The following PLEKHG5 variants were observed in gnomAD, a reference collection of about 807,000 sequenced individuals.
The protein encoded by PLEKHG5 is pleckstrin homology and RhoGEF domain containing G5.
PLEKHG5 carries 52 observed loss-of-function variants against 103.8 expected under a neutral mutation model. The ratio of observed to expected loss-of-function variants is 0.50; its 90% CI spans 0.40 to 0.63. PLEKHG5 has a LOEUF of 0.63. Among genes scored for constraint, PLEKHG5 ranks in the 30% least tolerant of loss-of-function variants. PLEKHG5 has a pLI of 0.00. For synonymous variants in PLEKHG5, 592 were observed against 575.5 expected, an observed-to-expected ratio of 1.03 and a Z score of -0.41; for missense variants, 1,205 against 1,347.6, an observed-to-expected ratio of 0.89 and a Z score of 1.66.
rs145838428 is a variant in PLEKHG5, at chr1:6,482,583, C to G, written c.-87-4925G>C. ...AAGGGCTGTTATTGTCCCTGTTTCA[C>G]ACAAGAGGAAAGTAAAACTCAGAGA... is the stretch of plus-strand genomic sequence containing the variant. On this transcript the variant is annotated intron_variant, in intron 1 of 20. Transcript: ENST00000377728. Among the ~76,000 whole-genome samples the G allele has an allele frequency of 6.3e-3, 961 of 152,306 alleles. 7 individuals are homozygous for G. The highest frequency in any genetic ancestry group is 0.01 in the Non-Finnish European group (682 of 68,024).
chr1:6,486,157 C>T lies in PLEKHG5; in HGVS notation c.-88+5480G>A, dbSNP rs945694788. On this transcript the variant is annotated intron_variant, in intron 1 of 20. Coordinates refer to ENST00000377728, the MANE Select transcript of PLEKHG5 (RefSeq NM_020631.6). This position sits in a 1 kb window ranked among gnomAD's most constrained non-coding sequence, Gnocchi z 5.3. ...TCCTCCTGGAGACCCCCACCCCCGC[C>T]TCGGAGCCTCAGCCCAGGGGACCCC... 6.6e-6 allele frequency among the ~76,000 whole-genome samples: 1 copy of T among 152,116 alleles called. No homozygotes were observed. Among genetic ancestry groups the T allele is most frequent in the East Asian group, 1.9e-4 (1 of 5,184 alleles).
intron 1 of PLEKHG5, among the ~76,000 whole-genome samples, chr1:6,479,422 G>A (rs961160357): frequency 6.6e-5 from 10 of 151,616 alleles, no homozygotes; most frequent in African/African-American, 1.9e-4. Flanking sequence ...GAGTAGCTGG[G>A]ACTACAGGCG....
intron 1 of PLEKHG5, among the ~76,000 whole-genome samples, chr1:6,504,567 T>C (rs1050458136): frequency 1.2e-4 from 15 of 124,240 alleles, no homozygotes; most frequent in Non-Finnish European, 4.8e-5. Flanking sequence ...TCTCTCTTTT[T>C]TTTTCTTTTT....
chr1:6,478,513 G>T (rs1032382328), intron 1 of PLEKHG5, among the ~76,000 whole-genome samples: 1 of 152,078 alleles, frequency 6.6e-6, no homozygotes, highest in Non-Finnish European at 1.5e-5. Context: ...CTCCAGCTAC[G>T]GCTGACTTTC....
intron 1 of PLEKHG5, among the ~76,000 whole-genome samples, chr1:6,482,991 G>A (rs1297273109): frequency 1.2e-4 from 18 of 152,216 alleles, no homozygotes; most frequent in African/African-American, 2.4e-5. Flanking sequence ...TTACAGGCGT[G>A]AGCCACGGCA....
intron 1 of PLEKHG5, among the ~76,000 whole-genome samples, chr1:6,508,394 CCT>C (rs1638384789): frequency 1.3e-5 from 2 of 152,208 alleles, no homozygotes; most frequent in African/African-American, 4.8e-5. Flanking sequence ...CGGCTGTCCT[CCT>C]CTGTCTCCCA....
Position 6,470,500 on chromosome 1 carries a change from G to A in PLEKHG5, c.1680+6C>T, listed in dbSNP as rs756543027. ...GCCGGCAACCCCCGCAGACACACACGCCCACCTTGTCCACTTCGTCGCTGC... is the reference window on the plus strand; with the variant it reads ...GCCGGCAACCCCCGCAGACACACACACCCACCTTGTCCACTTCGTCGCTGC... On this transcript the variant is annotated splice_donor_region_variant and intron_variant, in intron 15 of 20. Transcript: ENST00000377728. 1 of 1,610,414 alleles carries A rather than the reference G, an allele frequency of 6.2e-7. No individual in the cohort carries two copies. The highest frequency in any genetic ancestry group is 8.5e-7 in the Non-Finnish European group (1 of 1,179,956).
intron 1 of PLEKHG5, among the ~76,000 whole-genome samples, chr1:6,488,263 T>A (rs1001571927): frequency 6.6e-6 from 1 of 152,224 alleles, no homozygotes; most frequent in Non-Finnish European, 1.5e-5. Context: ...ACAATCCCCA[T>A]TTAACAGATA....
chr1:6,497,134 G>A, upstream of PLEKHG5: 1 of 1,141,050 alleles, frequency 8.8e-7, no homozygotes, highest in Non-Finnish European at 1.3e-6. This position sits in a 1 kb window ranked among gnomAD's most constrained non-coding sequence, Gnocchi z 6.1. Context: ...GGCGGGGGGA[G>A]GGAGGAGAAG....
At position 6,471,096 on chromosome 1, in the gene PLEKHG5, C is replaced by G. The variant is rs1304686030; in HGVS notation, c.1286G>C (p.Gly429Ala). The change falls in exon 13 of 21, where the codon GGC becomes GCC. Residue 429 changes from glycine to alanine, a missense_variant. By Grantham distance (60) the Gly-to-Ala change is moderately conservative. Transcript: ENST00000377728. The stretch of plus-strand genomic sequence containing the variant: ...GCGGATGTAGGGCTTGAAGAGCGAG[C>G]CGAACTGGCCCGGGGCAGAACAACC... ...GDFLKGFKMF[G>A]SLFKPYIRYC... The G allele has an allele frequency of 6.3e-6, 10 of 1,577,068 alleles. No homozygotes were observed. Among genetic ancestry groups the G allele is most frequent in the Non-Finnish European group, 7.7e-6 (9 of 1,162,578 alleles).
At chr1:6,514,692 C>T (rs1638567203) in intron 1 of PLEKHG5, among the ~76,000 whole-genome samples, 1 of 147,476 alleles carries the variant, frequency 6.8e-6, no homozygotes, top group Non-Finnish European at 1.5e-5. Context: ...ACCCGGGAGG[C>T]GGAGGTTGCA....
Position 6,474,182 on chromosome 1 carries a change from G to C in PLEKHG5, c.440-18C>G. On this transcript the variant is annotated intron_variant, in intron 6 of 20. Transcript: ENST00000377728. Reference sequence around the variant, plus strand: ...GGCTGGGGCTGCATGTGGGGGCCACGAGAGATCCTCAGTACCCTGGTCTGG... The same window carrying C: ...GGCTGGGGCTGCATGTGGGGGCCACCAGAGATCCTCAGTACCCTGGTCTGG... The C allele has an allele frequency of 6.2e-7, 1 of 1,612,848 alleles. No individual in the cohort carries two copies. The highest frequency in any genetic ancestry group is 1.1e-5 in the South Asian group (1 of 90,974).
In PLEKHG5 at chr1:6,467,819, A is replaced by G. The variant is rs1569827097; in HGVS notation, c.3011+6T>C. On this transcript the variant is annotated splice_donor_region_variant and intron_variant, in intron 20 of 20. Transcript: ENST00000377728. ...CACCTGCCCTACCCCAGTCCAGGCC[A>G]CTCACGAGGCAGTGAGCGTGGAGTT... The G allele has an allele frequency of 1.9e-6, 3 of 1,612,956 alleles. No homozygotes were observed. The highest frequency in any genetic ancestry group is 2.5e-6 in the Non-Finnish European group (3 of 1,179,822).
At chr1:6,483,045 A>G (rs764411140) in intron 1 of PLEKHG5, among the ~76,000 whole-genome samples, 4 of 152,130 alleles carry the variant, frequency 2.6e-5, no homozygotes, top group Non-Finnish European at 4.4e-5. Context: ...ACGCCCTCTC[A>G]TGGGTGTCTT....
rs144750655 is a variant in PLEKHG5, at chr1:6,474,166, T to C, written c.440-2A>G. On this transcript the variant is annotated splice_acceptor_variant, in intron 6 of 20. Coordinates refer to ENST00000377728, the MANE Select transcript of PLEKHG5 (RefSeq NM_020631.6). LOFTEE classifies it low-confidence loss of function (ANC_ALLELE). Reference sequence around the variant, plus strand: ...CCTCATCTCCAGGCTTGGCTGGGGCTGCATGTGGGGGCCACGAGAGATCCT... The same window carrying C: ...CCTCATCTCCAGGCTTGGCTGGGGCCGCATGTGGGGGCCACGAGAGATCCT... 4.7e-4 allele frequency: 758 copies of C among 1,613,328 alleles called. No homozygotes were observed. The highest frequency in any genetic ancestry group is 6.1e-4 in the Non-Finnish European group (719 of 1,179,958).
chr1:6,473,415 C>G lies in PLEKHG5; in HGVS notation c.631G>C (p.Gly211Arg), dbSNP rs1428031986. ...RRRKNMSEFLGEASIPGQEPP... is the reference protein window; with the variant it reads ...RRRKNMSEFLREASIPGQEPP... The stretch of plus-strand genomic sequence containing the variant: ...TCCTGCCCGGGGATGCTCGCCTCCC[C>G]CAGGAACTCCGACATGTTCTTGCGG... Residue 211 changes from glycine (G) to arginine (R), a missense_variant, in exon 8 of 21, where the codon GGG becomes CGG. Coordinates refer to ENST00000377728, the MANE Select transcript of PLEKHG5 (RefSeq NM_020631.6). 3.2e-6 allele frequency: 5 copies of G among 1,542,434 alleles called. No individual in the cohort carries two copies. The highest frequency in any genetic ancestry group is 1.2e-5 in the South Asian group (1 of 83,740).
Position 6,475,090 on chromosome 1 carries a change from T to A in PLEKHG5, c.259A>T (p.Ile87Phe), listed in dbSNP as rs756639742. Residue 87 changes from isoleucine to phenylalanine, a missense_variant, in exon 5 of 21, where the codon ATT becomes TTT. Physicochemically the swap from Ile to Phe is conservative, Grantham distance 21. Transcript: ENST00000377728. The stretch of plus-strand genomic sequence containing the variant: ...ATGGCTGGGACGATCTCTGTCTCAA[T>A]GTCCACATTCAGGTCAAATTTCAGA... The part of the protein sequence containing the change: ...FTLKFDLNVD[I>F]ETEIVPAMKK... 8 of 1,612,194 alleles carry A rather than the reference T, an allele frequency of 5.0e-6. No individual in the cohort carries two copies. Among genetic ancestry groups the A allele is most frequent in the African/African-American group, 1.3e-5 (1 of 74,862 alleles).
At chr1:6,474,982 G>A in intron 5 of PLEKHG5, 65 bp downstream of exon 5, 1 of 971,302 alleles carries the variant, frequency 1.0e-6, no homozygotes, top group Non-Finnish European at 1.7e-6. Flanking sequence ...GAGACCCGGA[G>A]CCTGCAACAT....
rs1194938068 is a variant in PLEKHG5 at position 6,468,335 on chromosome 1, C to T, written c.2501G>A (p.Gly834Asp). The part of the protein sequence containing the change: ...PTSLQDFVAP[G>D]PMAELVPRAP... ...CCGAGGCACTAGCTCTGCCATTGGGCCTGGGGCCACAAAGTCTTGTAAGGA... is the reference window on the plus strand; with the variant it reads ...CCGAGGCACTAGCTCTGCCATTGGGTCTGGGGCCACAAAGTCTTGTAAGGA... The change falls in exon 20 of 21, where the codon GGC becomes GAC. Residue 834 changes from glycine (G) to aspartate (D), a missense_variant. Physicochemically the swap from Gly to Asp is moderately conservative, Grantham distance 94. Transcript: ENST00000377728. The T allele has an allele frequency of 3.7e-6, 6 of 1,609,448 alleles. No individual in the cohort carries two copies. The highest frequency in any genetic ancestry group is 5.1e-6 in the Non-Finnish European group (6 of 1,178,428).
Sources: allele counts gnomAD v4.1 joint callset (sites outside exome capture counted in the v4.1 genomes callset), GRCh38; gene constraint gnomAD v4.1.1; non-coding constraint Gnocchi (gnomAD v3.1); transcripts MANE v1.5; gene names NCBI Gene and HGNC (gene_info 2026-07-23, HGNC 2026-07-21).